TRERF1: variants seen among roughly 807,000 people sequenced by gnomAD.
TRERF1 encodes the protein transcriptional regulating factor 1.
Under a neutral mutation model 122.9 loss-of-function variants are expected in TRERF1, and 27 were observed. That is an observed-to-expected ratio of 0.22 (90% CI 0.16 to 0.30). The LOEUF (loss-of-function observed/expected upper bound fraction) is 0.30. Among genes scored for constraint, TRERF1 ranks in the 10% least tolerant of loss-of-function variants. The pLI, the probability that TRERF1 is intolerant of heterozygous loss-of-function variation, is 1.00. For missense variants in TRERF1, 1,248 were observed against 1,560.3 expected (o/e 0.80, Z 3.37); for synonymous variants, 636 against 641.7 (o/e 0.99, Z 0.13).
chr6:42,423,718 G>A (rs1181805150), intron 2 of TRERF1, among the ~76,000 whole-genome samples: 7 of 151,966 alleles, frequency 4.6e-5, no homozygotes, highest in African/African-American at 1.5e-4. Flanking sequence ...TTTATAATTC[G>A]GGTTATTTAA....
At chr6:42,305,091 C>A (rs1786946283) in intron 3 of TRERF1, among the ~76,000 whole-genome samples, 1 of 152,214 alleles carries the variant, frequency 6.6e-6, no homozygotes, top group Non-Finnish European at 1.5e-5. Flanking sequence ...TACAACCATC[C>A]TGCTGAGGTG....
chr6:42,328,579 C>T (rs759111434), intron 3 of TRERF1, among the ~76,000 whole-genome samples: 59 of 152,122 alleles, frequency 3.9e-4, no homozygotes, highest in Non-Finnish European at 7.6e-4. Flanking sequence ...CTCTCACTTT[C>T]ATGTGAGAAC....
chr6:42,431,986 AG>A, intron 2 of TRERF1, among the ~76,000 whole-genome samples: 1 of 152,368 alleles, frequency 6.6e-6, no homozygotes. Flanking sequence ...GAGAACGATG[AG>A]CTCATGGTAG....
chr6:42,424,390 T>C (rs1186912412), intron 2 of TRERF1, among the ~76,000 whole-genome samples: 1 of 152,126 alleles, frequency 6.6e-6, no homozygotes, highest in Non-Finnish European at 1.5e-5. Flanking sequence ...AAGTGGAAAA[T>C]TCTACACTTG....
At chr6:42,262,434 CAG>C (rs71778190) in intron 8 of TRERF1, among the ~76,000 whole-genome samples, 4,339 of 21,862 alleles carry the variant, frequency 0.2, 394 homozygotes, top group Admixed American at 0.23. Context: ...TCCCTAGGGG[CAG>C]AGAGAGAGAG....
At position 42,281,673 on chromosome 6, in the gene TRERF1, C is replaced by A. The variant is rs1455109306; in HGVS notation, c.-258-11825G>T. On this transcript the variant is annotated intron_variant, in intron 4 of 17. Coordinates refer to ENST00000372922, the Ensembl canonical transcript of TRERF1. ...GGATGCCTGCTTAAGAGTGCCCAGA[C>A]TCTGCCAGGATCCTCCAGCCCTGTG... 1.7e-4 allele frequency among the ~76,000 whole-genome samples: 26 copies of A among 152,208 alleles called. 1 individual carries two copies.
chr6:42,249,711 GGGAGCAC>G (rs1467834553), intron 13 of TRERF1, among the ~76,000 whole-genome samples: 2 of 152,208 alleles, frequency 1.3e-5, no homozygotes, highest in East Asian at 3.8e-4. Context: ...GGCTGGGTCA[GGGAGCAC>G]AGTCTTAAGA....
chr6:42,354,170 G>A (rs1770064978), intron 3 of TRERF1, among the ~76,000 whole-genome samples: 3 of 152,174 alleles, frequency 2.0e-5, no homozygotes, highest in Admixed American at 1.3e-4. Context: ...GTGCTTGGGG[G>A]AAGGGTCCAG....
At chr6:42,293,304 C>T (rs996103088) in intron 4 of TRERF1, among the ~76,000 whole-genome samples, 8 of 152,134 alleles carry the variant, frequency 5.3e-5, no homozygotes, top group East Asian at 1.9e-4. Flanking sequence ...ATGGAAGCTC[C>T]GAGGGAGGAA....
In TRERF1 at chr6:42,276,449, C is replaced by T. The variant is rs1781165756; in HGVS notation, c.-258-6601G>A. On this transcript the variant is annotated intron_variant, in intron 4 of 17. Coordinates refer to ENST00000372922, the Ensembl canonical transcript of TRERF1. The surrounding 1 kb of genome is among the most constrained non-coding windows in gnomAD (Gnocchi z 4.3). ...GCCTTGGCTTGTGTTTTAGTCCAGC[C>T]TTCCTCTCGGCTCTGTCAAGGAAGC... Among the ~76,000 whole-genome samples the T allele has an allele frequency of 6.6e-6, 1 of 151,900 alleles. No individual in the cohort carries two copies. The highest frequency in any genetic ancestry group is 2.4e-5 in the African/African-American group (1 of 41,378).
At chr6:42,386,310 G>A (rs992527375) in intron 2 of TRERF1, among the ~76,000 whole-genome samples, 1 of 152,216 alleles carries the variant, frequency 6.6e-6, no homozygotes, top group Non-Finnish European at 1.5e-5. Flanking sequence ...AGTGCCTGGT[G>A]GCAGGTGCCT....
At chr6:42,408,263 G>GTGTGTA (rs1562152919) in intron 2 of TRERF1, among the ~76,000 whole-genome samples, 1 of 111,868 alleles carries the variant, frequency 8.9e-6, no homozygotes, top group Non-Finnish European at 1.8e-5. Context: ...ACACATGTGT[G>GTGTGTA]TGTATGTATA....
chr6:42,279,268 G>C (rs988414834), intron 4 of TRERF1, among the ~76,000 whole-genome samples: 1 of 152,110 alleles, frequency 6.6e-6, no homozygotes, highest in African/African-American at 2.4e-5. Flanking sequence ...CTGGGCCCAG[G>C]GCCCACAGGA....
At chr6:42,451,883 C>T (rs189080723) in intron 1 of TRERF1, 5 of 152,910 alleles carry the variant, frequency 3.3e-5, no homozygotes, top group African/African-American at 9.6e-5. Context: ...GAAACTTACT[C>T]CCCATCTGCA....
At position 42,302,457 on chromosome 6, in the gene TRERF1, CT is replaced by C. The variant is rs1234937159; in HGVS notation, c.-370-1709del. On this transcript the variant is annotated intron_variant, in intron 3 of 17. Coordinates refer to ENST00000372922, the Ensembl canonical transcript of TRERF1. ...AGATAACTCTGCAGAAGAAAACTTC[CT>C]TTTTCAAAGCCTTGTTTGTTTTGTT... Among the ~76,000 whole-genome samples the C allele has an allele frequency of 2.0e-5, 3 of 151,900 alleles. No individual in the cohort carries two copies. In the East Asian group the frequency reaches 5.9e-4, roughly 30 times the overall value.
intron 2 of TRERF1, among the ~76,000 whole-genome samples, chr6:42,403,524 A>G (rs1449777453): frequency 2.6e-5 from 4 of 152,190 alleles, no homozygotes; most frequent in Middle Eastern, 3.2e-3. Context: ...GGCACGGAGC[A>G]GTTTCTCCCT....
intron 3 of TRERF1, among the ~76,000 whole-genome samples, chr6:42,317,519 T>C (rs953347581): frequency 1.1e-4 from 16 of 151,994 alleles, no homozygotes; most frequent in African/African-American, 3.9e-4. Flanking sequence ...TATCCCCGGC[T>C]AATTAAAAAA....
chr6:42,291,223 C>A (rs745485332), intron 4 of TRERF1, among the ~76,000 whole-genome samples: 10 of 152,170 alleles, frequency 6.6e-5, no homozygotes, highest in African/African-American at 2.4e-4. Context: ...TGATACTCTG[C>A]GGTGCCTCTT....
intron 2 of TRERF1, among the ~76,000 whole-genome samples, chr6:42,433,365 A>G (rs1784777717): frequency 1.3e-5 from 2 of 152,096 alleles, no homozygotes; most frequent in Non-Finnish European, 1.5e-5. Context: ...TCCTCAAGGC[A>G]CTGACACACA....
Sources: gnomAD v4.1 joint callset for allele counts (sites outside exome capture counted in the v4.1 genomes callset) on GRCh38, gnomAD v4.1.1 for gene constraint, Gnocchi (gnomAD v3.1) non-coding constraint, MANE v1.5 for transcripts, NCBI Gene and HGNC (gene_info 2026-07-23, HGNC 2026-07-21) for gene names.